MTA3: variants seen among roughly 807,000 people sequenced by gnomAD.
The protein encoded by MTA3 is metastasis-associated protein MTA3.
A neutral mutation model predicts 83.5 loss-of-function variants in MTA3; 34 were observed. That is an observed-to-expected ratio of 0.41 (90% CI 0.31 to 0.54). MTA3 has a LOEUF of 0.54. Among genes scored for constraint, MTA3 ranks in the 20% least tolerant of loss-of-function variants. The pLI is 0.33. For missense variants in MTA3, 761 were observed against 726.4 expected (o/e 1.05, Z -0.55); for synonymous variants, 303 against 252.7 (o/e 1.20, Z -1.89).
rs149492959 is a variant in MTA3 at position 42,646,362 on chromosome 2, T to C, written c.499+2118T>C. ...ACTTTCACATTTTATTATTAAGAAA[T>C]AACATCACCTAAGGCTATACTTGCC... On this transcript the variant is annotated intron_variant, in intron 6 of 16. Transcript: ENST00000405094. 1.3e-3 allele frequency among the ~76,000 whole-genome samples: 204 copies of C among 152,292 alleles called. 1 individual carries two copies. Among genetic ancestry groups the C allele is most frequent in the African/African-American group, 4.7e-3 (195 of 41,562 alleles).
At chr2:42,566,342 T>C (rs1405858348), upstream of MTA3, among the ~76,000 whole-genome samples, 2 of 152,222 alleles carry the variant, frequency 1.3e-5, no homozygotes, top group Non-Finnish European at 2.9e-5. Flanking sequence ...TTTCACAAAG[T>C]CCTTGTATTC....
intron 3 of MTA3, among the ~76,000 whole-genome samples, chr2:42,585,522 C>A (rs529517390): frequency 6.9e-6 from 1 of 145,898 alleles, no homozygotes; most frequent in Admixed American, 6.9e-5. Context: ...TCGCCCAGGC[C>A]GGAGTGCAGT....
chr2:42,494,673 G>C (rs1173576712), exon 1 of MTA3: 1 of 152,272 alleles, frequency 6.6e-6, no homozygotes. Flanking sequence ...AACGTGTAGC[G>C]CGCCTGGACC....
At chr2:42,691,290 G>A (rs1401075344) in intron 9 of MTA3, among the ~76,000 whole-genome samples, 15 of 152,246 alleles carry the variant, frequency 9.9e-5, no homozygotes, top group South Asian at 2.1e-4. Flanking sequence ...GATTACAGGC[G>A]TGAGCCACCA....
At chr2:42,496,235 T>A (rs1674125079) in intron 2 of MTA3, among the ~76,000 whole-genome samples, 1 of 152,236 alleles carries the variant, frequency 6.6e-6, no homozygotes, top group African/African-American at 2.4e-5. Flanking sequence ...CTAGGTATAT[T>A]TTCATGCGAT....
chr2:42,686,764 T>C (rs1468937792), intron 9 of MTA3, among the ~76,000 whole-genome samples: 3 of 151,842 alleles, frequency 2.0e-5, no homozygotes, highest in African/African-American at 7.3e-5. Context: ...GAAGTGAAGG[T>C]TGCAGTGAGC....
chr2:42,676,330 G>T (rs1045592938), intron 8 of MTA3, among the ~76,000 whole-genome samples: 1 of 152,134 alleles, frequency 6.6e-6, no homozygotes, highest in African/African-American at 2.4e-5. Context: ...ATTTAAAAAA[G>T]TATCCATAAG....
intron 6 of MTA3, among the ~76,000 whole-genome samples, chr2:42,652,309 G>T (rs1170648997): frequency 6.6e-6 from 1 of 152,112 alleles, no homozygotes; most frequent in Non-Finnish European, 1.5e-5. Context: ...GGGCCTCAGA[G>T]AAATCCTGTT....
At chr2:42,695,920 A>G (rs1558592021) in intron 10 of MTA3, 81 bp downstream of exon 10, 1 of 911,098 alleles carries the variant, frequency 1.1e-6, no homozygotes, top group Admixed American at 3.0e-5. Context: ...TTGGCGATGT[A>G]CTACTTTTAA....
chr2:42,599,779 T>A (rs12478177), intron 3 of MTA3, among the ~76,000 whole-genome samples: 4 of 151,940 alleles, frequency 2.6e-5, no homozygotes, highest in Non-Finnish European at 4.4e-5. Context: ...ATAATATGGT[T>A]GACTCATTTG....
Position 42,509,387 on chromosome 2 carries a change from C to T in MTA3, c.-141+14133C>T, listed in dbSNP as rs186561767. On this transcript the variant is annotated intron_variant, in intron 2 of 17. Transcript: ENST00000405592. ...CGTCTGTCTCCCACAAGATGCTGTT[C>T]ACTTCCTTTGAGAGCAAGGACTCTG... 7.0e-4 allele frequency among the ~76,000 whole-genome samples: 106 copies of T among 152,250 alleles called. 1 individual carries two copies. Among genetic ancestry groups the T allele is most frequent in the Admixed American group, 1.3e-3 (20 of 15,258 alleles).
chr2:42,644,465 A>G (rs1323351470), intron 6 of MTA3, among the ~76,000 whole-genome samples: 4 of 152,178 alleles, frequency 2.6e-5, no homozygotes, highest in African/African-American at 7.2e-5. Flanking sequence ...GCCTCAAACA[A>G]TCCTCCCACC....
At chr2:42,537,343 C>A (rs1433608036) in intron 2 of MTA3, among the ~76,000 whole-genome samples, 1 of 152,126 alleles carries the variant, frequency 6.6e-6, no homozygotes, top group East Asian at 1.9e-4. Context: ...GCGGGCAGAT[C>A]ACCTGAGGTC....
chr2:42,617,445 G>A (rs1430121290), intron 4 of MTA3, among the ~76,000 whole-genome samples: 3 of 152,114 alleles, frequency 2.0e-5, no homozygotes, highest in African/African-American at 4.8e-5. Context: ...GCAAGCAAAT[G>A]TTATCTTTAT....
chr2:42,497,487 A>AG (rs1674190663), intron 2 of MTA3, among the ~76,000 whole-genome samples: 1 of 151,398 alleles, frequency 6.6e-6, no homozygotes, highest in African/African-American at 2.4e-5. Flanking sequence ...CAGGAAGCTG[A>AG]GGCACGAGAA....
intron 9 of MTA3, among the ~76,000 whole-genome samples, chr2:42,692,407 G>C (rs1440763610): frequency 6.7e-6 from 1 of 149,902 alleles, no homozygotes; most frequent in Non-Finnish European, 1.5e-5. Context: ...CCTCAAAACA[G>C]CTATCTTGAA....
intron 16 of MTA3, among the ~76,000 whole-genome samples, chr2:42,728,575 C>T (rs1486666951): frequency 1.3e-5 from 2 of 152,180 alleles, no homozygotes; most frequent in Non-Finnish European, 2.9e-5. Context: ...TTCCCACCAA[C>T]AGTGTATGAG....
At chr2:42,726,027 C>A (rs574601785) in intron 16 of MTA3, among the ~76,000 whole-genome samples, 51 of 152,248 alleles carry the variant, frequency 3.3e-4, no homozygotes, top group Admixed American at 9.8e-4. Flanking sequence ...CCAAGATGAA[C>A]TCAAAGTACT....
chr2:42,497,047 A>C (rs750209660), intron 2 of MTA3, among the ~76,000 whole-genome samples: 1 of 152,034 alleles, frequency 6.6e-6, no homozygotes, highest in African/African-American at 2.4e-5. Context: ...TCTACTAAAA[A>C]TTCAAAAAAT....
Sources: gnomAD v4.1 joint callset for allele counts (sites outside exome capture counted in the v4.1 genomes callset) on GRCh38, gnomAD v4.1.1 for gene constraint, MANE v1.5 for transcripts, NCBI Gene and HGNC (gene_info 2026-07-23, HGNC 2026-07-21) for gene names.